Variants in ZEB1 observed in about 807,000 individuals in gnomAD.
The protein encoded by ZEB1 is zinc finger E-box-binding homeobox 1.
Under a neutral mutation model 84.9 loss-of-function variants are expected in ZEB1, and 21 were observed. The ratio of observed to expected loss-of-function variants is 0.25; its 90% CI spans 0.18 to 0.36. The LOEUF is 0.36. Among genes scored for constraint, ZEB1 ranks in the 10% least tolerant of loss-of-function variants. ZEB1 has a pLI of 1.00. For missense variants in ZEB1, 1,104 were observed against 1,330.2 expected (o/e 0.83, Z 2.65); for synonymous variants, 420 against 471.1 (o/e 0.89, Z 1.41).
intron 1 of ZEB1, among the ~76,000 whole-genome samples, chr10:31,443,070 T>G (rs940482268): frequency 2.0e-5 from 3 of 152,118 alleles, no homozygotes; most frequent in African/African-American, 7.2e-5. Flanking sequence ...AGCAAGAAAG[T>G]TGAGAGTGTA....
chr10:31,430,582 T>C (rs2057592754), intron 1 of ZEB1, among the ~76,000 whole-genome samples: 1 of 152,200 alleles, frequency 6.6e-6, no homozygotes, highest in Non-Finnish European at 1.5e-5. Context: ...TGTAATCCTA[T>C]TTGAACTATG....
At chr10:31,379,044 G>A (rs190821246) in intron 1 of ZEB1, among the ~76,000 whole-genome samples, 8 of 151,978 alleles carry the variant, frequency 5.3e-5, no homozygotes, top group African/African-American at 1.9e-4. Context: ...AAAATACCCC[G>A]TTATTTTATG....
At chr10:31,502,785 G>T (rs1364662788) in intron 4 of ZEB1, among the ~76,000 whole-genome samples, 2 of 152,178 alleles carry the variant, frequency 1.3e-5, no homozygotes, top group Non-Finnish European at 2.9e-5. Context: ...TTACATGGTA[G>T]CAGGCAGTAG....
intron 2 of ZEB1, among the ~76,000 whole-genome samples, chr10:31,476,964 G>A (rs912824272): frequency 4.6e-5 from 7 of 152,052 alleles, no homozygotes; most frequent in African/African-American, 1.4e-4. Flanking sequence ...ATATTGAATG[G>A]GGAAACGTTG....
chr10:31,524,409 A>G (rs562630608), intron 8 of ZEB1, among the ~76,000 whole-genome samples: 2 of 152,068 alleles, frequency 1.3e-5, no homozygotes, highest in African/African-American at 2.4e-5. Flanking sequence ...GGGTTTTGCC[A>G]TGTTGCCCAG....
chr10:31,383,361 A>G (rs1201765054), intron 1 of ZEB1, among the ~76,000 whole-genome samples: 2 of 152,130 alleles, frequency 1.3e-5, no homozygotes, highest in South Asian at 2.1e-4. Context: ...AAATGGGGCT[A>G]GTGGCCACAA....
At chr10:31,393,053 G>T (rs2050060382) in intron 1 of ZEB1, among the ~76,000 whole-genome samples, 1 of 152,086 alleles carries the variant, frequency 6.6e-6, no homozygotes, top group African/African-American at 2.4e-5. Flanking sequence ...GCCCAGGCTG[G>T]TCTCAAACCC....
intron 1 of ZEB1, among the ~76,000 whole-genome samples, chr10:31,379,399 C>T (rs1029847550): frequency 6.6e-6 from 1 of 151,618 alleles, no homozygotes; most frequent in South Asian, 2.1e-4. Flanking sequence ...GAAACTTAAC[C>T]AATTCTCCTC....
intron 1 of ZEB1, among the ~76,000 whole-genome samples, chr10:31,361,797 G>A (rs948232030): frequency 6.6e-6 from 1 of 151,528 alleles, no homozygotes; most frequent in Non-Finnish European, 1.5e-5. Flanking sequence ...TTCACAGACA[G>A]GACGGCAGCA....
At chr10:31,482,646 T>A (rs375199422) in intron 2 of ZEB1, among the ~76,000 whole-genome samples, 184 of 152,170 alleles carry the variant, frequency 1.2e-3, no homozygotes, top group African/African-American at 4.3e-3. Context: ...TGTTGATTTT[T>A]TACAGCTTTT....
chr10:31,418,429 C>T (rs1432730093), intron 1 of ZEB1, among the ~76,000 whole-genome samples: 4 of 151,992 alleles, frequency 2.6e-5, no homozygotes, highest in South Asian at 2.1e-4. Flanking sequence ...AGAAGAATGC[C>T]AGGAGCCAGG....
At chr10:31,351,533 A>G (rs563846392) in intron 1 of ZEB1, among the ~76,000 whole-genome samples, 16 of 152,158 alleles carry the variant, frequency 1.1e-4, no homozygotes, top group African/African-American at 3.9e-4. Flanking sequence ...ACCTTTTATT[A>G]TAGCACCAAA....
At chr10:31,453,115 C>T (rs1277270738) in intron 1 of ZEB1, among the ~76,000 whole-genome samples, 1 of 152,102 alleles carries the variant, frequency 6.6e-6, no homozygotes, top group South Asian at 2.1e-4. Flanking sequence ...CAAATGAGTG[C>T]ATGCTTAGGG....
At chr10:31,526,612 G>T in intron 8 of ZEB1, 60 bp from the exon 9 acceptor site, 3 of 1,589,780 alleles carry the variant, frequency 1.9e-6, no homozygotes, top group African/African-American at 1.3e-5. Context: ...CCCAAAAACC[G>T]TATAAGGATT....
At chr10:31,514,425 G>A (rs1186062116) in intron 5 of ZEB1, among the ~76,000 whole-genome samples, 178 bp from the exon 6 acceptor site, 3 of 152,044 alleles carry the variant, frequency 2.0e-5, no homozygotes, top group African/African-American at 7.2e-5. Flanking sequence ...TTTTGTGACT[G>A]CTACAACTGC....
Position 31,458,337 on chromosome 10 carries a change from T to G in ZEB1, c.59-2700T>G, listed in dbSNP as rs201883589. Among the ~76,000 whole-genome samples the G allele has an allele frequency of 4.2e-4, 33 of 77,846 alleles. No individual in the cohort carries two copies. The African/African-American group carries it at 0.012, about 27-fold the overall frequency. 51.1% of individuals were successfully genotyped at this position (77,846 alleles called of 152,430 possible). ...CGTGTGTGTGTGTGTGTGTGTGTGT[T>G]GTGTGTGTGTGTGTGTGTGTGTGTG... On this transcript the variant is annotated intron_variant, in intron 1 of 8. Transcript: ENST00000424869.
intron 2 of ZEB1, among the ~76,000 whole-genome samples, chr10:31,483,939 C>G (rs1419671199): frequency 6.6e-6 from 1 of 151,984 alleles, no homozygotes; most frequent in Non-Finnish European, 1.5e-5. Flanking sequence ...GATTCATTTT[C>G]TTCCTCAGAT....
chr10:31,467,768 G>C (rs1235038406), intron 2 of ZEB1, among the ~76,000 whole-genome samples: 2 of 152,132 alleles, frequency 1.3e-5, no homozygotes, highest in East Asian at 1.9e-4. Flanking sequence ...AGTGTGGTGT[G>C]GGTTTTTCAG....
chr10:31,415,116 T>A (rs2054982547), intron 1 of ZEB1, among the ~76,000 whole-genome samples: 1 of 152,186 alleles, frequency 6.6e-6, no homozygotes, highest in African/African-American at 2.4e-5. Context: ...AACTTTCATC[T>A]GCTAGGCACT....
Sources: allele counts gnomAD v4.1 joint callset (sites outside exome capture counted in the v4.1 genomes callset), GRCh38; gene constraint gnomAD v4.1.1; transcripts MANE v1.5; gene names NCBI Gene and HGNC (gene_info 2026-07-23, HGNC 2026-07-21).